ZNF514: variants seen among roughly 807,000 people sequenced by gnomAD.
The protein encoded by ZNF514 is zinc finger protein 514.
A neutral mutation model predicts 9.7 loss-of-function variants in ZNF514; 12 were observed. That is an observed-to-expected ratio of 1.24 (90% CI 0.79 to 2.01). ZNF514 has a LOEUF of 2.01. Among genes scored for constraint, ZNF514 ranks in the 30% most tolerant of loss-of-function variants. The probability of loss-of-function intolerance (pLI) is 0.00; values close to 1 mark genes in which losing one functional copy is unlikely to be tolerated. For synonymous variants in ZNF514, 158 were observed against 163.7 expected (o/e 0.97, Z 0.27); for missense variants, 467 against 465.5 (o/e 1.00, Z -0.03).
At chr2:95,128,085 A>C in the ZNF514 span, among the ~76,000 whole-genome samples, 1 of 152,088 alleles carries the variant, frequency 6.6e-6, no homozygotes, top group Non-Finnish European at 1.5e-5. Flanking sequence ...CCACCTCTAC[A>C]AAAAGTTTTT....
chr2:95,134,971 C>T, the ZNF514 span, among the ~76,000 whole-genome samples: 1 of 152,298 alleles, frequency 6.6e-6, no homozygotes, highest in Admixed American at 6.5e-5. Context: ...TTTACCAGTT[C>T]CATACTATCT....
Position 95,152,725 on chromosome 2 carries a change from C to G in ZNF514, c.166G>C (p.Gly56Arg). Residue 56 changes from glycine (G) to arginine (R), a missense_variant, in exon 4 of 5, where the codon GGG becomes CGG. Physicochemically the swap from Gly to Arg is moderately radical, Grantham distance 125. Coordinates refer to ENST00000295208, the MANE Select transcript of ZNF514 (RefSeq NM_032788.3). ...KPYVICQLEE[G>R]GEPFMVEREI... ...CTCTCCACCATGAAGGGCTCACCCC[C>G]TTCCTCCAACTGGCAGATCACATAT... 3 of 1,614,202 alleles carry G rather than the reference C, an allele frequency of 1.9e-6. No individual in the cohort carries two copies. The highest frequency in any genetic ancestry group is 2.5e-6 in the Non-Finnish European group (3 of 1,180,032).
chr2:95,157,170 A>G (rs1409711391), intron 2 of ZNF514, among the ~76,000 whole-genome samples, 181 bp downstream of exon 2: 1 of 152,188 alleles, frequency 6.6e-6, no homozygotes, highest in Non-Finnish European at 1.5e-5. Flanking sequence ...GTGGGTGCAC[A>G]GCAAGAAGAG....
chr2:95,133,710 G>GT, the ZNF514 span, among the ~76,000 whole-genome samples: 2 of 152,192 alleles, frequency 1.3e-5, no homozygotes, highest in Non-Finnish European at 2.9e-5. Flanking sequence ...TGTATCAGGT[G>GT]TTATAAGTCA....
At chr2:95,144,448 C>T (rs1286774295), downstream of ZNF514, among the ~76,000 whole-genome samples, 4 of 152,052 alleles carry the variant, frequency 2.6e-5, no homozygotes, top group Admixed American at 2.0e-4. Context: ...AATAAAACCC[C>T]AATAAAAACT....
At position 95,159,805 on chromosome 2, in the gene ZNF514, C is replaced by T. The variant is rs1162509504; in HGVS notation, c.-661G>A. On this transcript the variant is annotated 5_prime_UTR_variant, in exon 1 of 5. Transcript: ENST00000295208. Reference sequence around the variant, plus strand: ...CGCAGACGCGGCCGCCGCCGGGGCCCTTCAGAGCCAGCGCCGGTGGCGGGG... The same window carrying T: ...CGCAGACGCGGCCGCCGCCGGGGCCTTTCAGAGCCAGCGCCGGTGGCGGGG... Among the ~76,000 whole-genome samples the T allele has an allele frequency of 4.6e-5, 7 of 151,524 alleles. No homozygotes were observed. Among genetic ancestry groups the T allele is most frequent in the African/African-American group, 4.8e-5 (2 of 41,354 alleles).
At chr2:95,127,922 T>G in the ZNF514 span, among the ~76,000 whole-genome samples, 1 of 152,134 alleles carries the variant, frequency 6.6e-6, no homozygotes, top group Non-Finnish European at 1.5e-5. Flanking sequence ...TGTTTTAGTT[T>G]GATGGTAGCT....
downstream of ZNF514, among the ~76,000 whole-genome samples, chr2:95,141,829 T>C (rs1451790831): frequency 6.6e-6 from 1 of 152,226 alleles, no homozygotes; most frequent in Non-Finnish European, 1.5e-5. Context: ...ACAAGATGGC[T>C]ACTCCAATAG....
intron 1 of ZNF514, chr2:95,158,749 C>T (rs1202020171): frequency 1.5e-5 from 17 of 1,137,314 alleles, no homozygotes; most frequent in Non-Finnish European, 1.9e-5. Flanking sequence ...CCTCCACCTC[C>T]GCCACGGTCA....
intron 1 of ZNF514, chr2:95,159,000 C>G (rs1455617435): frequency 1.6e-6 from 2 of 1,280,386 alleles, no homozygotes; most frequent in Non-Finnish European, 2.0e-6. Flanking sequence ...GGCTAAGGAG[C>G]GGCGTCCTTT....
the ZNF514 span, among the ~76,000 whole-genome samples, chr2:95,131,220 G>GGTGATCTGCCTTGACATCT: frequency 1.3e-5 from 2 of 152,110 alleles, no homozygotes; most frequent in Admixed American, 1.3e-4. Context: ...GAAATCAGGA[G>GGTGATCTGCCTTGACATCT]GGCTCCTAAT....
At chr2:95,135,406 CTTCGTTCT>C in the ZNF514 span, among the ~76,000 whole-genome samples, 1 of 148,812 alleles carries the variant, frequency 6.7e-6, no homozygotes. Context: ...TCCTTCTTTC[CTTCGTTCT>C]TTCTTTTTTT....
At chr2:95,159,154 A>G (rs1673769064) in intron 1 of ZNF514, 86 bp downstream of exon 1, 4 of 564,904 alleles carry the variant, frequency 7.1e-6, no homozygotes, top group Non-Finnish European at 9.8e-6. Context: ...CAGGGCCCAG[A>G]GCAGGGCCGG....
downstream of ZNF514, among the ~76,000 whole-genome samples, chr2:95,143,892 G>C (rs1333367419): frequency 6.6e-6 from 1 of 152,200 alleles, no homozygotes; most frequent in South Asian, 2.1e-4. Context: ...AGAAAGAAAG[G>C]AATGTGGGGA....
chr2:95,136,710 C>A, the ZNF514 span, among the ~76,000 whole-genome samples: 1 of 151,752 alleles, frequency 6.6e-6, no homozygotes, highest in African/African-American at 2.4e-5. Context: ...TCAGAGACTC[C>A]TGTGACAACC....
rs1374878001 is a variant in ZNF514, at chr2:95,149,010, G to C, written c.*272C>G. ...TCCCCAGTGTCGGCTGTCTGATGCT[G>C]AATAATATGCATCCTCTGATCAAAG... is the stretch of plus-strand genomic sequence containing the variant. On this transcript the variant is annotated 3_prime_UTR_variant, in exon 5 of 5. Coordinates refer to ENST00000295208, the MANE Select transcript of ZNF514 (RefSeq NM_032788.3). 7.4e-6 allele frequency: 3 copies of C among 406,000 alleles called. No homozygotes were observed. Among genetic ancestry groups the C allele is most frequent in the Non-Finnish European group, 1.3e-5 (3 of 229,300 alleles). 25.1% of individuals were successfully genotyped at this position (406,000 alleles called of 1,614,324 possible).
chr2:95,152,731 CCAACTGG>C lies in ZNF514; in HGVS notation c.153_159del (p.Cys51TrpfsTer45), dbSNP rs774481520. 8.1e-6 allele frequency: 13 copies of C among 1,614,084 alleles called. No homozygotes were observed. In the South Asian group the frequency reaches 1.3e-4, roughly 16 times the overall value. On this transcript the variant is annotated frameshift_variant, in exon 4 of 5. Coordinates refer to ENST00000295208, the MANE Select transcript of ZNF514 (RefSeq NM_032788.3). LOFTEE classifies it high-confidence loss of function. ...ACCATGAAGGGCTCACCCCCTTCCTCCAACTGGCAGATCACATATGGTTTGGATACTA... is the reference window on the plus strand; with the variant it reads ...ACCATGAAGGGCTCACCCCCTTCCTCCAGATCACATATGGTTTGGATACTA...
chr2:95,159,836 G>A lies in ZNF514; in HGVS notation c.-692C>T, dbSNP rs546845610. Among the ~76,000 whole-genome samples, 44 of 152,006 alleles carry A rather than the reference G, an allele frequency of 2.9e-4. No homozygotes were observed. The highest frequency in any genetic ancestry group is 1.0e-3 in the African/African-American group (43 of 41,532). On this transcript the variant is annotated 5_prime_UTR_variant, in exon 1 of 5. Coordinates refer to ENST00000295208, the MANE Select transcript of ZNF514 (RefSeq NM_032788.3). ...AGCCAGCGCCGGTGGCGGGGTGCTG[G>A]CGCGGCGAAGCTGGAGAGGCGGGGC...
chr2:95,127,645 T>C, the ZNF514 span, among the ~76,000 whole-genome samples: 5 of 152,160 alleles, frequency 3.3e-5, no homozygotes, highest in Non-Finnish European at 7.4e-5. Context: ...GAGACAGAGA[T>C]TTGCTCTTAT....
Sources: allele counts gnomAD v4.1 joint callset (sites outside exome capture counted in the v4.1 genomes callset), GRCh38; gene constraint gnomAD v4.1.1; transcripts MANE v1.5; gene names NCBI Gene and HGNC (gene_info 2026-07-23, HGNC 2026-07-21).